The following PIP5K1B variants were observed in gnomAD, a reference collection of about 807,000 sequenced individuals.
The protein encoded by PIP5K1B is phosphatidylinositol 4-phosphate 5-kinase type-1 beta.
In PIP5K1B, 42 loss-of-function variants were observed where a neutral mutation model predicts 67.0. The ratio of observed to expected loss-of-function variants is 0.63; its 90% confidence interval spans 0.49 to 0.81. The LOEUF is 0.81. PIP5K1B is among the 30% of genes least tolerant of loss of function. The pLI is 0.00. For missense variants in PIP5K1B, 459 were observed against 646.3 expected, an observed-to-expected ratio of 0.71 and a Z score of 3.14; for synonymous variants, 214 against 231.4, an observed-to-expected ratio of 0.92 and a Z score of 0.68.
At chr9:68,937,388 C>T (rs1827320498) in intron 13 of PIP5K1B, among the ~76,000 whole-genome samples, 1 of 152,178 alleles carries the variant, frequency 6.6e-6, no homozygotes, top group African/African-American at 2.4e-5. Context: ...AGTGTATTTG[C>T]ACAGAAATGT....
chr9:68,751,656 TA>T (rs1352707543), intron 2 of PIP5K1B, among the ~76,000 whole-genome samples: 1 of 152,230 alleles, frequency 6.6e-6, no homozygotes, highest in African/African-American at 2.4e-5. Flanking sequence ...AGACATTTGT[TA>T]AATGATTTTA....
intron 6 of PIP5K1B, among the ~76,000 whole-genome samples, chr9:68,885,712 G>A (rs1293928959): frequency 1.3e-5 from 2 of 152,152 alleles, no homozygotes; most frequent in Admixed American, 1.3e-4. Flanking sequence ...GATGGGGAAT[G>A]ACAAACTGCC....
chr9:68,799,040 G>T (rs1367822778), intron 2 of PIP5K1B, among the ~76,000 whole-genome samples: 1 of 152,210 alleles, frequency 6.6e-6, no homozygotes, highest in Admixed American at 6.5e-5. Flanking sequence ...GGGAAAGTTT[G>T]CAGGGGCAGA....
chr9:68,791,729 C>T (rs1315048378), intron 2 of PIP5K1B, among the ~76,000 whole-genome samples: 4 of 152,158 alleles, frequency 2.6e-5, no homozygotes, highest in East Asian at 1.9e-4. Flanking sequence ...CTCAAGGCCC[C>T]GTTTACCATA....
chr9:69,007,949 T>G (rs1831167056), intron 15 of PIP5K1B, among the ~76,000 whole-genome samples: 1 of 152,180 alleles, frequency 6.6e-6, no homozygotes, highest in South Asian at 2.1e-4. Flanking sequence ...TATATCATAG[T>G]GCTGCTGTCA....
At chr9:68,881,370 G>T (rs971078797) in intron 6 of PIP5K1B, among the ~76,000 whole-genome samples, 2 of 152,172 alleles carry the variant, frequency 1.3e-5, no homozygotes, top group Non-Finnish European at 2.9e-5. Flanking sequence ...ATAAGACATT[G>T]CTTGAAAAAC....
At chr9:68,803,195 G>C (rs1023762591) in intron 2 of PIP5K1B, among the ~76,000 whole-genome samples, 4 of 152,150 alleles carry the variant, frequency 2.6e-5, no homozygotes, top group African/African-American at 9.7e-5. Context: ...CTTTGAGCTG[G>C]ATGGGATACG....
chr9:68,794,052 A>G lies in PIP5K1B; in HGVS notation c.-85-24409A>G, dbSNP rs548470166. Among the ~76,000 whole-genome samples, 17 of 152,240 alleles carry G rather than the reference A, an allele frequency of 1.1e-4. 1 individual carries two copies. The highest frequency in any genetic ancestry group is 1.5e-5 in the Non-Finnish European group (1 of 68,040). On this transcript the variant is annotated intron_variant, in intron 2 of 15. Coordinates refer to ENST00000265382, the MANE Select transcript of PIP5K1B (RefSeq NM_003558.4). Reference sequence around the variant, plus strand: ...AGTGATGGTGTGTCAGTTGCAGCTGATCTGACAAGTGAGATGAAGTCTAAT... The same window carrying G: ...AGTGATGGTGTGTCAGTTGCAGCTGGTCTGACAAGTGAGATGAAGTCTAAT...
rs549041253 is a variant in PIP5K1B, at chr9:68,948,280, C to T, written c.1502+7490C>T. Among the ~76,000 whole-genome samples the T allele has an allele frequency of 8.5e-5, 13 of 152,258 alleles. No homozygotes were observed. The South Asian group carries it at 2.7e-3, about 32-fold the overall frequency. Reference sequence around the variant, plus strand: ...AAAATCAAAACCATTATAGCATTACCAGTGAACCTGAGTGGTGTCACATCT... The same window carrying T: ...AAAATCAAAACCATTATAGCATTACTAGTGAACCTGAGTGGTGTCACATCT... On this transcript the variant is annotated intron_variant, in intron 14 of 15. Transcript: ENST00000265382.
chr9:68,909,839 C>G (rs934869983), intron 8 of PIP5K1B, among the ~76,000 whole-genome samples: 1 of 152,200 alleles, frequency 6.6e-6, no homozygotes, highest in Non-Finnish European at 1.5e-5. Flanking sequence ...ACTGATTAGA[C>G]TCATTCATTC....
intron 2 of PIP5K1B, among the ~76,000 whole-genome samples, chr9:68,752,140 G>C (rs1184460264): frequency 6.6e-6 from 1 of 152,074 alleles, no homozygotes; most frequent in Non-Finnish European, 1.5e-5. Context: ...GTAATAAATT[G>C]ATTACACAAG....
chr9:68,943,596 C>G (rs1174520437), intron 14 of PIP5K1B, among the ~76,000 whole-genome samples: 2 of 151,796 alleles, frequency 1.3e-5, no homozygotes, highest in Non-Finnish European at 2.9e-5. Flanking sequence ...TACTCTAAAT[C>G]TCATCTGGCC....
intron 4 of PIP5K1B, among the ~76,000 whole-genome samples, chr9:68,832,289 A>G (rs1834364684): frequency 6.6e-6 from 1 of 152,262 alleles, no homozygotes; most frequent in South Asian, 2.1e-4. Flanking sequence ...TTAGGAGAAG[A>G]ACACATTTTA....
Position 68,706,912 on chromosome 9 carries a change from A to G in PIP5K1B, c.-243+1150A>G, listed in dbSNP as rs548226238. On this transcript the variant is annotated intron_variant, in intron 1 of 15. Transcript: ENST00000265382. ...CAGCTGTTGGAGTGGAGAAAGGCGA[A>G]AGGATTGGTTTCATTAGGACTCTAA... Among the ~76,000 whole-genome samples the G allele has an allele frequency of 2.6e-5, 4 of 152,308 alleles. 1 individual carries two copies. The South Asian group carries it at 8.3e-4, about 32-fold the overall frequency.
rs1212625764 is a variant in PIP5K1B, at chr9:68,889,453, G to A, written c.471+320G>A. On this transcript the variant is annotated intron_variant, in intron 7 of 15. Transcript: ENST00000265382. The stretch of plus-strand genomic sequence containing the variant: ...AGTCTTTAAAGGCTGAGAAATACGT[G>A]GCCAGGCGTGGTGGCTCACGCCTGT... Among the ~76,000 whole-genome samples the A allele has an allele frequency of 3.9e-5, 6 of 152,236 alleles. No individual in the cohort carries two copies. In the South Asian group the frequency reaches 1.2e-3, roughly 32 times the overall value.
At chr9:68,761,511 G>A (rs540994097) in intron 2 of PIP5K1B, among the ~76,000 whole-genome samples, 3 of 152,202 alleles carry the variant, frequency 2.0e-5, no homozygotes, top group Admixed American at 1.3e-4. Flanking sequence ...TTATCTCATA[G>A]TTCTGGAAGT....
At chr9:68,716,915 A>T (rs1827661802) in intron 1 of PIP5K1B, among the ~76,000 whole-genome samples, 1 of 152,228 alleles carries the variant, frequency 6.6e-6, no homozygotes, top group South Asian at 2.1e-4. Flanking sequence ...AGCCATAAGA[A>T]AGAACAAAAT....
intron 4 of PIP5K1B, among the ~76,000 whole-genome samples, chr9:68,857,098 G>A (rs2132232880): frequency 6.6e-6 from 1 of 152,244 alleles, no homozygotes; most frequent in East Asian, 1.9e-4. Context: ...TGGAGGAAGA[G>A]GCCACAAGGA....
At chr9:68,902,373 C>T (rs914885947) in intron 8 of PIP5K1B, among the ~76,000 whole-genome samples, 1 of 152,188 alleles carries the variant, frequency 6.6e-6, no homozygotes, top group African/African-American at 2.4e-5. Context: ...CAGTATATAA[C>T]CCCTGAGATT....
Sources: gnomAD v4.1 joint callset for allele counts (sites outside exome capture counted in the v4.1 genomes callset) on GRCh38, gnomAD v4.1.1 for gene constraint, MANE v1.5 for transcripts, NCBI Gene and HGNC (gene_info 2026-07-23, HGNC 2026-07-21) for gene names.